DSCAM: variants seen among roughly 807,000 people sequenced by gnomAD.
DSCAM encodes the protein cell adhesion molecule DSCAM.
In DSCAM, 47 loss-of-function variants were observed where a neutral mutation model predicts 217.7. The observed-to-expected ratio is 0.22, with a 90% confidence interval of 0.17 to 0.28. The LOEUF (loss-of-function observed/expected upper bound fraction) is 0.28. Among genes scored for constraint, DSCAM ranks in the 10% least tolerant of loss-of-function variants. DSCAM has a pLI of 1.00. For synonymous variants in DSCAM, 1,056 were observed against 1,015.3 expected (o/e 1.04, Z -0.76); for missense variants, 2,080 against 2,618.3 (o/e 0.79, Z 4.49).
chr21:40,181,271 G>A (rs2090797475), intron 14 of DSCAM, among the ~76,000 whole-genome samples: 1 of 152,078 alleles, frequency 6.6e-6, no homozygotes. Context: ...TCAATGTGCT[G>A]GGCATTTTCA....
intron 16 of DSCAM, among the ~76,000 whole-genome samples, chr21:40,158,486 T>C (rs1169578773): frequency 6.6e-6 from 1 of 152,188 alleles, no homozygotes; most frequent in Non-Finnish European, 1.5e-5. Flanking sequence ...GTTAGGAATG[T>C]GCTAGAAGCA....
chr21:40,338,092 A>G lies in DSCAM; in HGVS notation c.1783+9T>C, dbSNP rs1369755596. On this transcript the variant is annotated intron_variant, in intron 8 of 32. Transcript: ENST00000400454. The stretch of plus-strand genomic sequence containing the variant: ...TGAGTTGTGTGGGAACCAGGAGAAC[A>G]GGGCTTACCTTTCACGGTCACGTGG... The G allele has an allele frequency of 6.2e-7, 1 of 1,612,584 alleles. No homozygotes were observed. The highest frequency in any genetic ancestry group is 2.2e-5 in the East Asian group (1 of 44,868).
chr21:40,692,298 A>C (rs977347771), intron 3 of DSCAM, among the ~76,000 whole-genome samples: 7 of 152,234 alleles, frequency 4.6e-5, no homozygotes, highest in African/African-American at 1.7e-4. Context: ...TAAGCCAAGA[A>C]ATTATTCATA....
intron 20 of DSCAM, 38 bp from the exon 21 acceptor site, chr21:40,093,912 A>C (rs2089643777): frequency 6.3e-7 from 1 of 1,591,472 alleles, no homozygotes; most frequent in Non-Finnish European, 8.6e-7. Context: ...CATTCAAAGA[A>C]GCATGTGGCA....
chr21:40,156,136 G>C lies in DSCAM; in HGVS notation c.3018+11082C>G, dbSNP rs559937106. Among the ~76,000 whole-genome samples, 9 of 151,830 alleles carry C rather than the reference G, an allele frequency of 5.9e-5. No individual in the cohort carries two copies. The South Asian group carries it at 1.9e-3, about 32-fold the overall frequency. ...AACCCTTAAGTGATGTAGGAGGAGA[G>C]GGTAAGTATGGAGACAAACTGAGTC... is the stretch of plus-strand genomic sequence containing the variant. On this transcript the variant is annotated intron_variant, in intron 16 of 32. Transcript: ENST00000400454.
intron 11 of DSCAM, among the ~76,000 whole-genome samples, chr21:40,227,403 A>G (rs980195125): frequency 6.6e-6 from 1 of 152,188 alleles, no homozygotes; most frequent in African/African-American, 2.4e-5. Context: ...CTCTTTGGAA[A>G]AGGGTCATTT....
chr21:40,378,828 C>T (rs894984918), intron 3 of DSCAM, among the ~76,000 whole-genome samples: 3 of 151,662 alleles, frequency 2.0e-5, no homozygotes, highest in Admixed American at 6.6e-5. Flanking sequence ...CTCCTGACCT[C>T]GTGATCCGCC....
At chr21:40,319,507 T>C (rs372479228) in intron 8 of DSCAM, among the ~76,000 whole-genome samples, 1 of 152,210 alleles carries the variant, frequency 6.6e-6, no homozygotes, top group African/African-American at 2.4e-5. Context: ...ACTTAAGTTG[T>C]TTCCATGTCT....
intron 3 of DSCAM, among the ~76,000 whole-genome samples, chr21:40,448,569 TA>T (rs1462360728): frequency 6.6e-6 from 1 of 152,076 alleles, no homozygotes; most frequent in Non-Finnish European, 1.5e-5. Flanking sequence ...ACCTTCCTAA[TA>T]AATAATAATC....
intron 3 of DSCAM, among the ~76,000 whole-genome samples, chr21:40,483,928 C>T (rs549815206): frequency 6.6e-6 from 1 of 152,252 alleles, no homozygotes; most frequent in South Asian, 2.1e-4. Flanking sequence ...TCTTTCCTTA[C>T]CAAGGCTGAG....
chr21:40,657,416 G>A (rs775949572), intron 3 of DSCAM, among the ~76,000 whole-genome samples: 1 of 152,288 alleles, frequency 6.6e-6, no homozygotes, highest in East Asian at 1.9e-4. Context: ...ACCAGGGTAC[G>A]ACTCCTTTTA....
intron 3 of DSCAM, among the ~76,000 whole-genome samples, chr21:40,409,931 C>T (rs1268283317): frequency 6.6e-6 from 1 of 152,078 alleles, no homozygotes; most frequent in Non-Finnish European, 1.5e-5. Flanking sequence ...TTCAAAATGG[C>T]TGACATCCAC....
chr21:40,442,886 T>C (rs983277044), intron 3 of DSCAM, among the ~76,000 whole-genome samples: 6 of 152,146 alleles, frequency 3.9e-5, no homozygotes, highest in Non-Finnish European at 8.8e-5. Flanking sequence ...ACAGGATACA[T>C]CTGTGAACCT....
chr21:40,426,793 G>A (rs1255544456), intron 3 of DSCAM, among the ~76,000 whole-genome samples: 2 of 152,054 alleles, frequency 1.3e-5, no homozygotes, highest in Non-Finnish European at 1.5e-5. Flanking sequence ...GTGTCATTTG[G>A]GCTGGGGGGT....
At chr21:40,578,716 C>A (rs539935355) in intron 3 of DSCAM, among the ~76,000 whole-genome samples, 1 of 152,268 alleles carries the variant, frequency 6.6e-6, no homozygotes, top group East Asian at 1.9e-4. Flanking sequence ...TGAGGGTCTG[C>A]GGCTTCACTC....
At chr21:40,030,080 A>T (rs1377552485) in intron 32 of DSCAM, among the ~76,000 whole-genome samples, 1 of 152,186 alleles carries the variant, frequency 6.6e-6, no homozygotes, top group Non-Finnish European at 1.5e-5. Context: ...ACACATGCAC[A>T]TGTACGTGGA....
chr21:40,431,630 A>G (rs1202719652), intron 3 of DSCAM, among the ~76,000 whole-genome samples: 1 of 152,226 alleles, frequency 6.6e-6, no homozygotes, highest in Non-Finnish European at 1.5e-5. Flanking sequence ...TAATGTGTTC[A>G]TTTCTCAAGA....
At chr21:40,806,588 G>C (rs1368684475) in intron 1 of DSCAM, among the ~76,000 whole-genome samples, 1 of 152,156 alleles carries the variant, frequency 6.6e-6, no homozygotes, top group Non-Finnish European at 1.5e-5. Context: ...AATTGTGAAT[G>C]CTACAATATG....
At chr21:40,524,449 T>C (rs988693843) in intron 3 of DSCAM, among the ~76,000 whole-genome samples, 14 of 152,156 alleles carry the variant, frequency 9.2e-5, no homozygotes, top group Non-Finnish European at 1.9e-4. Context: ...GAAAAAGTTA[T>C]ATTACATAAA....
Sources: allele counts gnomAD v4.1 joint callset (sites outside exome capture counted in the v4.1 genomes callset), GRCh38; gene constraint gnomAD v4.1.1; transcripts MANE v1.5; gene names NCBI Gene and HGNC (gene_info 2026-07-23, HGNC 2026-07-21).